Variants in MGAT3 observed in about 807,000 individuals in gnomAD.
MGAT3 encodes GlcNAc-T III.
A neutral mutation model predicts 29.8 loss-of-function variants in MGAT3; 9 were observed. The observed-to-expected ratio is 0.30, with a 90% CI of 0.18 to 0.53. MGAT3 has a LOEUF of 0.53. Among genes scored for constraint, MGAT3 ranks in the 20% least tolerant of loss-of-function variants. MGAT3 has a pLI of 0.96. For synonymous variants in MGAT3, 397 were observed against 348.9 expected, an observed-to-expected ratio of 1.14 and a Z score of -1.54; for missense variants, 557 against 769.5, an observed-to-expected ratio of 0.72 and a Z score of 3.27.
Position 39,488,774 on chromosome 22 carries a change from ACCC to A in MGAT3, c.1429_1431del (p.Pro477del). 1.2e-6 allele frequency: 2 copies of A among 1,612,014 alleles called. No homozygotes were observed. The highest frequency in any genetic ancestry group is 1.7e-6 in the Non-Finnish European group (2 of 1,179,146). On this transcript the variant is annotated inframe_deletion, in exon 2 of 2. Coordinates refer to ENST00000341184, the MANE Select transcript of MGAT3 (RefSeq NM_002409.5). Reference sequence around the variant, plus strand: ...ACGCAGCAGGAGTACCCGCCTGCAGACCCCAGCGAGCACATGTATGCGCCCAAG... The same window carrying A: ...ACGCAGCAGGAGTACCCGCCTGCAGACAGCGAGCACATGTATGCGCCCAAG...
In MGAT3 at chr22:39,487,745, C is replaced by T. The variant is rs1469778902; in HGVS notation, c.398C>T (p.Pro133Leu). ...CTGGAGAGGCCGCCCCCGGGACGGC[C>T]GGAGGAGAAGCCTGAGGGGGCCAAC... ...KMLERPPPGR[P>L]EEKPEGANGS... Residue 133 changes from proline to leucine, a missense_variant, in exon 2 of 2, where the codon CCG becomes CTG. Transcript: ENST00000341184. The surrounding 1 kb of genome is among the most constrained non-coding windows in gnomAD (Gnocchi z 5.7). 4.6e-6 allele frequency: 7 copies of T among 1,535,740 alleles called. No individual in the cohort carries two copies. Among genetic ancestry groups the T allele is most frequent in the South Asian group, 2.5e-5 (2 of 80,046 alleles).
rs79840415 is a variant in MGAT3 at position 39,469,505 on chromosome 22, C to T, written c.-2+11948C>T. 3.9e-3 allele frequency among the ~76,000 whole-genome samples: 592 copies of T among 152,296 alleles called. 2 individuals carry two copies. Among genetic ancestry groups the T allele is most frequent in the African/African-American group, 0.014 (574 of 41,556 alleles). On this transcript the variant is annotated intron_variant, in intron 1 of 1. Coordinates refer to ENST00000341184, the MANE Select transcript of MGAT3 (RefSeq NM_002409.5). ...GCAAGTGTGCCCACCACCTGCTGCC[C>T]TGTACACATGGGTAGGTGCCGGGGG... is the stretch of plus-strand genomic sequence containing the variant.
intron 1 of MGAT3, among the ~76,000 whole-genome samples, chr22:39,459,947 G>A (rs1928450991): frequency 6.6e-6 from 1 of 152,256 alleles, no homozygotes; most frequent in Admixed American, 6.5e-5. Flanking sequence ...ATCACGAGAG[G>A]GCTGGGCTGG....
In MGAT3 at chr22:39,487,142, A is replaced by C. The variant is rs903119731; in HGVS notation, c.-1-205A>C. ...GATCTCAGGGAAGGGCTATGGGAGC[A>C]CGGCGGTGTCCTCAGTGCTGGGGCT... On this transcript the variant is annotated intron_variant, in intron 1 of 1. Coordinates refer to ENST00000341184, the MANE Select transcript of MGAT3 (RefSeq NM_002409.5). This position sits in a 1 kb window ranked among gnomAD's most constrained non-coding sequence, Gnocchi z 5.7. Among the ~76,000 whole-genome samples the C allele has an allele frequency of 6.6e-6, 1 of 152,092 alleles. No homozygotes were observed. The highest frequency in any genetic ancestry group is 1.5e-5 in the Non-Finnish European group (1 of 67,992).
In MGAT3 at chr22:39,488,730, C is replaced by T. The variant is rs537141888; in HGVS notation, c.1383C>T (p.Thr461=). The T allele has an allele frequency of 1.9e-6, 3 of 1,613,556 alleles. No individual in the cohort carries two copies. The highest frequency in any genetic ancestry group is 2.5e-6 in the Non-Finnish European group (3 of 1,179,956). Reference sequence around the variant, plus strand: ...ACTACATCCGCGGCCTGATCCGCACCGGGGGCTGGTTCGACGGCACGCAGC... The same window carrying T: ...ACTACATCCGCGGCCTGATCCGCACTGGGGGCTGGTTCGACGGCACGCAGC... ...DLNYIRGLIR[T]GGWFDGTQQE... is the part of the protein sequence containing the mutation. The change falls in exon 2 of 2, where the codon ACC becomes ACT. Residue 461 remains threonine (T), a synonymous_variant. Transcript: ENST00000341184.
At chr22:39,478,374 C>G (rs1010424944) in intron 1 of MGAT3, among the ~76,000 whole-genome samples, 5 of 152,236 alleles carry the variant, frequency 3.3e-5, no homozygotes, top group Admixed American at 6.5e-5. Flanking sequence ...TGACAGCTGG[C>G]CCCTTCTCCC....
intron 1 of MGAT3, among the ~76,000 whole-genome samples, chr22:39,467,329 G>T (rs1461528194): frequency 6.6e-6 from 1 of 152,208 alleles, no homozygotes; most frequent in African/African-American, 2.4e-5. Context: ...TGGAGAGATG[G>T]GAAAGGGGTG....
intron 1 of MGAT3, among the ~76,000 whole-genome samples, chr22:39,485,863 C>T (rs1929256797): frequency 6.6e-6 from 1 of 152,146 alleles, no homozygotes; most frequent in Admixed American, 6.5e-5. Flanking sequence ...CATCTCCATT[C>T]CACAGCCATA....
At chr22:39,478,292 T>C (rs1929025839) in intron 1 of MGAT3, among the ~76,000 whole-genome samples, 1 of 152,238 alleles carries the variant, frequency 6.6e-6, no homozygotes, top group Admixed American at 6.5e-5. Context: ...TCCTCCAAAA[T>C]GCCCCTCATG....
intron 1 of MGAT3, among the ~76,000 whole-genome samples, chr22:39,465,980 G>T (rs1225815831): frequency 6.6e-6 from 1 of 151,496 alleles, no homozygotes; most frequent in East Asian, 1.9e-4. Context: ...AGCAAAATGC[G>T]CACTGCCCGA....
At chr22:39,468,954 C>T (rs572354969) in intron 1 of MGAT3, among the ~76,000 whole-genome samples, 3 of 152,034 alleles carry the variant, frequency 2.0e-5, no homozygotes, top group East Asian at 1.9e-4. Context: ...CTGAGGGCAG[C>T]GGTTCCAAGC....
chr22:39,457,109 GGCCCGGCGCGGCGGCGGA>G lies in MGAT3; in HGVS notation c.-442_-425del, dbSNP rs1928347459. On this transcript the variant is annotated 5_prime_UTR_variant, in exon 1 of 2. Transcript: ENST00000341184. This position sits in a 1 kb window ranked among gnomAD's most constrained non-coding sequence, Gnocchi z 6.8. ...GGAGTCTGCGGTGCGAGGCGCCCCC[GGCCCGGCGCGGCGGCGGA>G]GCCCGGCTGGCGGGGGAGGGGAGGG... Among the ~76,000 whole-genome samples the G allele has an allele frequency of 6.8e-6, 1 of 146,024 alleles. No homozygotes were observed. The highest frequency in any genetic ancestry group is 2.0e-4 in the East Asian group (1 of 5,030).
In MGAT3 at chr22:39,457,366, G is replaced by T; in HGVS notation, c.-193G>T. 1 of 144,026 alleles carries T rather than the reference G, an allele frequency of 6.9e-6. No individual in the cohort carries two copies. The highest frequency in any genetic ancestry group is 2.0e-4 in the South Asian group (1 of 5,124). The allele number at this position is 144,026 out of a possible 1,614,324, so 8.9% of individuals were successfully genotyped here. A position where few individuals can be genotyped will look rare whatever the true frequency, so the allele number is the denominator to read the frequency against. On this transcript the variant is annotated 5_prime_UTR_variant, in exon 1 of 2. Coordinates refer to ENST00000341184, the MANE Select transcript of MGAT3 (RefSeq NM_002409.5). This position sits in a 1 kb window ranked among gnomAD's most constrained non-coding sequence, Gnocchi z 6.8. ...GGGACGGGGTGGAAGTGGGGGTGGG[G>T]GGAGGGGATCGGGGCCGGGCCGGGG...
intron 1 of MGAT3, among the ~76,000 whole-genome samples, chr22:39,475,060 C>G (rs1268010148): frequency 6.6e-6 from 1 of 151,872 alleles, no homozygotes; most frequent in East Asian, 1.9e-4. Context: ...CCAATCACCC[C>G]CTCCTCAGGG....
intron 1 of MGAT3, among the ~76,000 whole-genome samples, chr22:39,480,116 A>T (rs964104246): frequency 2.0e-5 from 3 of 152,046 alleles, no homozygotes; most frequent in African/African-American, 7.2e-5. Flanking sequence ...AGGTTGGGAG[A>T]GTTCGGGATG....
chr22:39,470,934 C>T (rs569623098), intron 1 of MGAT3, among the ~76,000 whole-genome samples: 26 of 152,302 alleles, frequency 1.7e-4, no homozygotes, highest in East Asian at 1.9e-4. Context: ...AAGCAGCCCT[C>T]GCCCCACGCT....
At chr22:39,464,958 T>C (rs1377355082) in intron 1 of MGAT3, among the ~76,000 whole-genome samples, 1 of 151,970 alleles carries the variant, frequency 6.6e-6, no homozygotes, top group Non-Finnish European at 1.5e-5. Context: ...GGTTTCACCA[T>C]GTTAGCCAGC....
chr22:39,460,909 G>T (rs889707404), intron 1 of MGAT3, among the ~76,000 whole-genome samples: 1 of 151,940 alleles, frequency 6.6e-6, no homozygotes, highest in African/African-American at 2.4e-5. Flanking sequence ...CGAGTCTCCC[G>T]ATTCACCCCT....
Position 39,488,983 on chromosome 22 carries a change from G to T in MGAT3, c.*34G>T. 2 of 1,568,734 alleles carry T rather than the reference G, an allele frequency of 1.3e-6. No individual in the cohort carries two copies. Among genetic ancestry groups the T allele is most frequent in the South Asian group, 1.2e-5 (1 of 85,626 alleles). Reference sequence around the variant, plus strand: ...GATCTGATAGGGTTTGTGACAGGGCGGGGGTGGCGGCGGCCCCTAGCGCTA... The same window carrying T: ...GATCTGATAGGGTTTGTGACAGGGCTGGGGTGGCGGCGGCCCCTAGCGCTA... On this transcript the variant is annotated 3_prime_UTR_variant, in exon 2 of 2. Transcript: ENST00000341184.
Sources: allele counts gnomAD v4.1 joint callset (sites outside exome capture counted in the v4.1 genomes callset), GRCh38; gene constraint gnomAD v4.1.1; non-coding constraint Gnocchi (gnomAD v3.1); transcripts MANE v1.5; gene names NCBI Gene and HGNC (gene_info 2026-07-23, HGNC 2026-07-21).